Variants in PRKDC observed in about 807,000 individuals in gnomAD.
PRKDC encodes DNA-dependent protein kinase catalytic subunit.
Under a neutral mutation model 486.9 loss-of-function variants are expected in PRKDC, and 82 were observed. That is an observed-to-expected ratio of 0.17 (90% confidence interval 0.14 to 0.20). The LOEUF is 0.20. Among genes scored for constraint, PRKDC ranks in the 10% least tolerant of loss-of-function variants. PRKDC has a pLI of 1.00. For synonymous variants in PRKDC, 1,895 were observed against 1,837.0 expected, an observed-to-expected ratio of 1.03 and a Z score of -0.81; for missense variants, 4,504 against 5,038.2, an observed-to-expected ratio of 0.89 and a Z score of 3.21.
intron 13 of PRKDC, among the ~76,000 whole-genome samples, chr8:47,935,393 T>C (rs929654730): frequency 3.3e-5 from 5 of 151,908 alleles, no homozygotes; most frequent in East Asian, 3.9e-4. Flanking sequence ...CCAGCTACTC[T>C]GGAAGCTGAG....
At chr8:47,860,065 C>T (rs199545471) in intron 45 of PRKDC, among the ~76,000 whole-genome samples, 65 of 152,238 alleles carry the variant, frequency 4.3e-4, no homozygotes, top group African/African-American at 1.5e-3. Flanking sequence ...GTACATTTTG[C>T]CCATTAAGTC....
At chr8:47,904,735 G>C in intron 26 of PRKDC, 134 bp downstream of exon 26, 3 of 622,870 alleles carry the variant, frequency 4.8e-6, no homozygotes, top group Non-Finnish European at 2.7e-6. Flanking sequence ...GCAGGTTGCA[G>C]TGAGCCAAGA....
At chr8:47,854,582 C>T (rs937590151) in intron 50 of PRKDC, among the ~76,000 whole-genome samples, 4 of 152,286 alleles carry the variant, frequency 2.6e-5, no homozygotes, top group Middle Eastern at 3.4e-3. Flanking sequence ...CCTCGTAATC[C>T]GCCCGCCTCG....
intron 19 of PRKDC, 83 bp downstream of exon 19, chr8:47,929,009 T>A: frequency 1.8e-6 from 2 of 1,125,130 alleles, no homozygotes; most frequent in South Asian, 1.4e-5. Context: ...AAAATAATTA[T>A]TTATGATCAC....
chr8:47,959,979 C>T lies in PRKDC; in HGVS notation c.148G>A (p.Val50Met). Residue 50 changes from valine (V) to methionine (M), a missense_variant, in exon 1 of 86, where the codon GTG becomes ATG. Val to Met is a conservative substitution (Grantham distance 21). Around this residue, in one of 6 missense-constraint regions of PRKDC, gnomAD observed 145 missense variants for 136.3 expected, o/e 1.06. Coordinates refer to ENST00000314191, the MANE Select transcript of PRKDC (RefSeq NM_006904.7). ...QECVLSSSPA[V>M]LALQTSLVFS... ...AGCTCGGGCCGGTACCCACCCAGCA[C>T]CGCGGGGCTGCTGCTCAGGACGCAT... is the stretch of plus-strand genomic sequence containing the variant. 1 of 1,535,146 alleles carries T rather than the reference C, an allele frequency of 6.5e-7. No individual in the cohort carries two copies. The highest frequency in any genetic ancestry group is 1.8e-4 in the Middle Eastern group (1 of 5,624).
intron 36 of PRKDC, among the ~76,000 whole-genome samples, chr8:47,883,014 C>G (rs766713913): frequency 6.6e-6 from 1 of 152,230 alleles, no homozygotes; most frequent in African/African-American, 2.4e-5. Flanking sequence ...GGGCCATCCA[C>G]GCCTCTGTGC....
At chr8:47,875,022 C>T (rs2089061068) in intron 40 of PRKDC, among the ~76,000 whole-genome samples, 2 of 152,146 alleles carry the variant, frequency 1.3e-5, no homozygotes, top group Non-Finnish European at 2.9e-5. Flanking sequence ...CACTGCACTC[C>T]AGCCTGGATA....
rs2088562218 is a variant in PRKDC at position 47,857,204 on chromosome 8, A to G, written c.6561T>C (p.Val2187=). 6.2e-7 allele frequency: 1 copy of G among 1,614,022 alleles called. No homozygotes were observed. The highest frequency in any genetic ancestry group is 1.3e-5 in the African/African-American group (1 of 75,074). ...ATGAAAGAATAGTGGCCACTATCTC[A>G]ACCACCATGTAGTGAATTCCTTCTC... ...NGGEGIHYMV[V]EIVATILSWT... is the part of the protein sequence containing the mutation. Residue 2187 remains valine (V), a synonymous_variant, in exon 49 of 86, where the codon GTT becomes GTC. Transcript: ENST00000314191.
intron 71 of PRKDC, among the ~76,000 whole-genome samples, 191 bp downstream of exon 71, chr8:47,800,602 G>A (rs2087085831): frequency 6.6e-6 from 1 of 151,842 alleles, no homozygotes. Context: ...AAAACTTAAA[G>A]TATAATAATA....
In PRKDC at chr8:47,957,249, T is replaced by C. The variant is rs552380723; in HGVS notation, c.246A>G (p.Arg82=). 10 of 1,599,834 alleles carry C rather than the reference T, an allele frequency of 6.3e-6. No individual in the cohort carries two copies. The highest frequency in any genetic ancestry group is 8.6e-6 in the Non-Finnish European group (10 of 1,169,144). ...TACATAAAAACTTTAGGATTTCTTC[T>C]CTACATTCACGAAACTGTAATGAAA... is the stretch of plus-strand genomic sequence containing the variant. ...SLNSIEFREC[R]EEILKFLCIF... The change falls in exon 3 of 86, where the codon AGA becomes AGG. Residue 82 remains arginine (R), a synonymous_variant. Transcript: ENST00000314191.
intron 22 of PRKDC, 79 bp downstream of exon 22, chr8:47,918,198 G>T: frequency 2.1e-6 from 2 of 944,354 alleles, no homozygotes; most frequent in Non-Finnish European, 3.1e-6. Flanking sequence ...CATTTTAAAT[G>T]AAGATTTTTA....
At chr8:47,906,881 C>G (rs1435589416) in intron 25 of PRKDC, among the ~76,000 whole-genome samples, 2 of 151,522 alleles carry the variant, frequency 1.3e-5, no homozygotes, top group Non-Finnish European at 2.9e-5. Context: ...CTCTTCCAAA[C>G]AGTCTTTCTA....
At chr8:47,822,495 A>T (rs2087623990) in intron 64 of PRKDC, among the ~76,000 whole-genome samples, 1 of 152,196 alleles carries the variant, frequency 6.6e-6, no homozygotes, top group Non-Finnish European at 1.5e-5. Flanking sequence ...AGGATTTTAA[A>T]ACCTGGGCTG....
At chr8:47,879,449 AAAAC>A (rs2089160665) in intron 39 of PRKDC, 38 bp downstream of exon 39, 2 of 1,478,256 alleles carry the variant, frequency 1.4e-6, no homozygotes, top group East Asian at 2.5e-5. Context: ...CAAGAAAAAA[AAAAC>A]AGTGTTTTAA....
chr8:47,912,310 C>T, intron 25 of PRKDC, 100 bp downstream of exon 25: 1 of 1,320,208 alleles, frequency 7.6e-7, no homozygotes, highest in East Asian at 2.7e-5. Context: ...CAGTATCGTT[C>T]CTAACCATCT....
intron 67 of PRKDC, among the ~76,000 whole-genome samples, chr8:47,817,825 T>C (rs1312132698): frequency 6.6e-6 from 1 of 152,250 alleles, no homozygotes; most frequent in Admixed American, 6.5e-5. Flanking sequence ...ACAGTCCATC[T>C]GTAATATCAA....
At chr8:47,826,162 G>C (rs1029737110) in intron 63 of PRKDC, among the ~76,000 whole-genome samples, 13 of 152,284 alleles carry the variant, frequency 8.5e-5, no homozygotes, top group South Asian at 2.1e-4. Flanking sequence ...GCTTTCATAT[G>C]ATGAGATCAC....
chr8:47,799,692 A>G (rs950094143), intron 71 of PRKDC, among the ~76,000 whole-genome samples: 1 of 152,162 alleles, frequency 6.6e-6, no homozygotes, highest in Non-Finnish European at 1.5e-5. Flanking sequence ...TATAAGAGGG[A>G]GATGGAAGTC....
intron 30 of PRKDC, among the ~76,000 whole-genome samples, chr8:47,896,829 A>C (rs188101808): frequency 6.6e-6 from 1 of 152,186 alleles, no homozygotes; most frequent in African/African-American, 2.4e-5. Context: ...GTTTGGACTT[A>C]ATGGACAAAA....
Sources: gnomAD v4.1 joint callset for allele counts (sites outside exome capture counted in the v4.1 genomes callset) on GRCh38, gnomAD v4.1.1 for gene constraint, gnomAD v4.1.1 regional missense constraint, MANE v1.5 for transcripts, NCBI Gene and HGNC (gene_info 2026-07-23, HGNC 2026-07-21) for gene names.